Variants in GOLPH3 observed in about 807,000 individuals in gnomAD.
GOLPH3 encodes the protein golgi phosphoprotein 3, also known as coat protein GPP34.
Under a neutral mutation model 28.5 loss-of-function variants are expected in GOLPH3, and 14 were observed. The observed-to-expected ratio is 0.49, with a 90% CI of 0.32 to 0.77. The LOEUF is 0.77. GOLPH3 is among the 30% of genes least tolerant of loss of function. GOLPH3 has a pLI of 0.03. For synonymous variants in GOLPH3, 158 were observed against 159.2 expected, an observed-to-expected ratio of 0.99 and a Z score of 0.06; for missense variants, 350 against 393.7, an observed-to-expected ratio of 0.89 and a Z score of 0.94.
chr5:32,147,519 G>A (rs1746206058), intron 1 of GOLPH3, among the ~76,000 whole-genome samples: 1 of 152,032 alleles, frequency 6.6e-6, no homozygotes, highest in Admixed American at 6.6e-5. Flanking sequence ...TGTGTGTGTA[G>A]AGAGACAGAA....
Position 32,158,115 on chromosome 5 carries a change from TAAATAAATAAATA to T in GOLPH3, c.226-14248_226-14236del, listed in dbSNP as rs1561679012. Reference sequence around the variant, plus strand: ...CAAAATAAATAAATAAATAAATAAATAAATAAATAAATAAAATACACACACACACACACACACA... The same window carrying T: ...CAAAATAAATAAATAAATAAATAAATAAATACACACACACACACACACACA... On this transcript the variant is annotated intron_variant, in intron 1 of 3. Transcript: ENST00000265070. Among the ~76,000 whole-genome samples the T allele has an allele frequency of 1.6e-4, 16 of 102,672 alleles. 2 individuals carry two copies. The highest frequency in any genetic ancestry group is 6.0e-4 in the African/African-American group (14 of 23,286). The allele number at this position is 102,672 out of a possible 152,430, so 67.4% of individuals were successfully genotyped here. A position where few individuals can be genotyped will look rare whatever the true frequency, so the allele number is the denominator to read the frequency against.
At chr5:32,148,632 C>T (rs148437149) in intron 1 of GOLPH3, among the ~76,000 whole-genome samples, 1,613 of 152,210 alleles carry the variant, frequency 0.011, 32 homozygotes, top group African/African-American at 0.037. Flanking sequence ...CCCATCTCTA[C>T]TAAAAATATA....
intron 1 of GOLPH3, among the ~76,000 whole-genome samples, chr5:32,172,726 G>C (rs929289460): frequency 1.3e-5 from 2 of 150,628 alleles, no homozygotes; most frequent in Non-Finnish European, 3.0e-5. Context: ...CACAAAATTA[G>C]CCGGGCATGG....
chr5:32,167,298 A>C (rs1362835949), intron 1 of GOLPH3, among the ~76,000 whole-genome samples: 1 of 151,968 alleles, frequency 6.6e-6, no homozygotes, highest in Non-Finnish European at 1.5e-5. Flanking sequence ...CAGCCTCCCG[A>C]GTAGCTGGGA....
chr5:32,169,577 T>C (rs1223665088), intron 1 of GOLPH3, among the ~76,000 whole-genome samples: 1 of 152,140 alleles, frequency 6.6e-6, no homozygotes, highest in East Asian at 1.9e-4. Flanking sequence ...AAGACTAAGA[T>C]TTGCCACCAA....
At chr5:32,168,396 G>GTTT (rs1196002739) in intron 1 of GOLPH3, among the ~76,000 whole-genome samples, 1 of 152,108 alleles carries the variant, frequency 6.6e-6, no homozygotes, top group African/African-American at 2.4e-5. Context: ...CTATCATTTT[G>GTTT]GTTAATCTTA....
chr5:32,159,614 A>G (rs1241989912), intron 1 of GOLPH3, among the ~76,000 whole-genome samples: 1 of 152,228 alleles, frequency 6.6e-6, no homozygotes, highest in African/African-American at 2.4e-5. Flanking sequence ...TTTTTAAAGT[A>G]TATTTAACAG....
chr5:32,169,563 T>C (rs74422447), intron 1 of GOLPH3, among the ~76,000 whole-genome samples: 5,847 of 152,254 alleles, frequency 0.038, 404 homozygotes, highest in African/African-American at 0.13. Context: ...AAATCTAACC[T>C]TAAAAGACTA....
intron 2 of GOLPH3, among the ~76,000 whole-genome samples, chr5:32,143,546 G>A (rs945846765): frequency 1.1e-4 from 16 of 151,906 alleles, no homozygotes; most frequent in South Asian, 2.1e-4. Flanking sequence ...TCCAGTGGCC[G>A]GTTACCTTAA....
rs1745661104 is a variant in GOLPH3, at chr5:32,125,692, T to G, written c.*520A>C. On this transcript the variant is annotated 3_prime_UTR_variant, in exon 4 of 4. Coordinates refer to ENST00000265070, the MANE Select transcript of GOLPH3 (RefSeq NM_022130.4). ...GCAAAATCCAAGGGACATTTTATATTAAGTATTTACTGTGCTGTTTCAATT... is the reference window on the plus strand; with the variant it reads ...GCAAAATCCAAGGGACATTTTATATGAAGTATTTACTGTGCTGTTTCAATT... The G allele has an allele frequency of 6.5e-6, 1 of 152,870 alleles. No individual in the cohort carries two copies. The highest frequency in any genetic ancestry group is 2.4e-5 in the African/African-American group (1 of 41,466). 9.5% of individuals were successfully genotyped at this position (152,870 alleles called of 1,614,324 possible). A position where few individuals can be genotyped will look rare whatever the true frequency, so the allele number is the denominator to read the frequency against.
chr5:32,158,259 C>A (rs1013481626), intron 1 of GOLPH3, among the ~76,000 whole-genome samples: 2 of 151,898 alleles, frequency 1.3e-5, no homozygotes, highest in South Asian at 4.2e-4. Flanking sequence ...ACCTCTAAAG[C>A]TCAGCTCATT....
chr5:32,168,817 C>T (rs534827639), intron 1 of GOLPH3, among the ~76,000 whole-genome samples: 2 of 152,148 alleles, frequency 1.3e-5, no homozygotes, highest in Non-Finnish European at 2.9e-5. Context: ...TTCAAGAGTG[C>T]ATCCTAGAGC....
chr5:32,127,182 T>C (rs1362815589), intron 3 of GOLPH3, among the ~76,000 whole-genome samples: 1 of 152,228 alleles, frequency 6.6e-6, no homozygotes, highest in Non-Finnish European at 1.5e-5. Context: ...TCCATACATA[T>C]TTCCTTTTGA....
chr5:32,157,595 T>C (rs932600227), intron 1 of GOLPH3, among the ~76,000 whole-genome samples: 2 of 152,178 alleles, frequency 1.3e-5, no homozygotes, highest in African/African-American at 4.8e-5. Context: ...TTTTTCCATA[T>C]CTGTACCTGT....
chr5:32,168,915 C>T (rs187524453), intron 1 of GOLPH3, among the ~76,000 whole-genome samples: 40 of 151,408 alleles, frequency 2.6e-4, no homozygotes, highest in Non-Finnish European at 5.2e-4. Context: ...GCTATGATCT[C>T]GCCACTGTAC....
chr5:32,145,673 AAT>A, intron 1 of GOLPH3, among the ~76,000 whole-genome samples: 1 of 152,220 alleles, frequency 6.6e-6, no homozygotes, highest in East Asian at 1.9e-4. Context: ...AGAGAACTAA[AAT>A]ATGTCTCAAT....
chr5:32,170,814 T>C (rs539247593), intron 1 of GOLPH3, among the ~76,000 whole-genome samples: 1 of 151,944 alleles, frequency 6.6e-6, no homozygotes, highest in East Asian at 1.9e-4. Flanking sequence ...AAAAAATATA[T>C]AGGCTAATCC....
At chr5:32,163,669 T>C (rs113344066) in intron 1 of GOLPH3, among the ~76,000 whole-genome samples, 3,979 of 97,674 alleles carry the variant, frequency 0.041, 166 homozygotes, top group African/African-American at 0.12. Context: ...TATACATATA[T>C]ATATATATTT....
At chr5:32,158,100 AAATAAATAAATAAATAAATAAAT>A (rs1746482265) in intron 1 of GOLPH3, among the ~76,000 whole-genome samples, 1 of 102,086 alleles carries the variant, frequency 9.8e-6, no homozygotes, top group African/African-American at 4.4e-5. Context: ...CAAAATAAAT[AAATAAATAAATAAATAAATAAAT>A]AAATAAAATA....
Sources: allele counts gnomAD v4.1 joint callset (sites outside exome capture counted in the v4.1 genomes callset), GRCh38; gene constraint gnomAD v4.1.1; transcripts MANE v1.5; gene names NCBI Gene and HGNC (gene_info 2026-07-23, HGNC 2026-07-21).